GCNA: variants seen among roughly 807,000 people sequenced by gnomAD.
The protein encoded by GCNA is germ cell nuclear acidic peptidase.
GCNA carries 3 observed loss-of-function variants against 38.8 expected under a neutral mutation model. That is an observed-to-expected ratio of 0.08 (90% CI 0.04 to 0.20). The LOEUF is 0.20. Ranked by LOEUF, GCNA falls within the 10% of genes least tolerant of loss-of-function variation. GCNA has a pLI of 1.00. For synonymous variants in GCNA, 195 were observed against 240.2 expected (o/e 0.81, Z 1.74); for missense variants, 446 against 578.6 (o/e 0.77, Z 2.35).
chrX:71,582,707 A>C lies in GCNA; in HGVS notation c.59+1827A>C, dbSNP rs370190426. Among the ~76,000 whole-genome samples, 5 of 112,173 alleles carry C rather than the reference A, an allele frequency of 4.5e-5. No individual in the cohort carries two copies. The East Asian group carries it at 1.4e-3, about 31-fold the overall frequency. On this transcript the variant is annotated intron_variant, in intron 2 of 12. Transcript: ENST00000373696. ...TGTGATTATATCATACATGTAATTC[A>C]GTAATTGTAATTCAGTCTTATTTTT...
chrX:71,586,798 C>A lies in GCNA; in HGVS notation c.60-5324C>A, dbSNP rs189088275. On this transcript the variant is annotated intron_variant, in intron 2 of 12. Transcript: ENST00000373696. ...CTAATTTTTGTATTTTTAGTAGAGACGGGGTTTCACCATGTTGGCCAGGCT... is the reference window on the plus strand; with the variant it reads ...CTAATTTTTGTATTTTTAGTAGAGAAGGGGTTTCACCATGTTGGCCAGGCT... Among the ~76,000 whole-genome samples the A allele has an allele frequency of 2.7e-3, 297 of 111,017 alleles. 3 individuals are homozygous for A. The highest frequency in any genetic ancestry group is 0.014 in the Middle Eastern group (3 of 219).
intron 2 of GCNA, among the ~76,000 whole-genome samples, chrX:71,588,686 G>C (rs1202807066): frequency 1.8e-5 from 2 of 110,542 alleles, no homozygotes; most frequent in African/African-American, 6.6e-5. Context: ...AATGAGCTGG[G>C]CGTGGTGACA....
chrX:71,592,060 T>C (rs1009482667), intron 2 of GCNA, 62 bp from the exon 3 acceptor site: 17 of 739,291 alleles, frequency 2.3e-5, no homozygotes, highest in Non-Finnish European at 3.3e-5. Context: ...GGATTTTTGA[T>C]AATTGGTTGC....
chrX:71,613,054 TG>T lies in GCNA; in HGVS notation c.*73del. On this transcript the variant is annotated 3_prime_UTR_variant, in exon 13 of 13. Coordinates refer to ENST00000373696, the MANE Select transcript of GCNA (RefSeq NM_052957.5). Reference sequence around the variant, plus strand: ...AGATGGCTAGGATTAGCCTTGGGGATGTGATGAAAACACTTGGCAGGAATTA... The same window carrying T: ...AGATGGCTAGGATTAGCCTTGGGGATTGATGAAAACACTTGGCAGGAATTA... 1 of 1,164,358 alleles carries T rather than the reference TG, an allele frequency of 8.6e-7. No individual in the cohort carries two copies.
chrX:71,598,078 CA>C, intron 7 of GCNA, 40 bp downstream of exon 7: 1 of 1,031,856 alleles, frequency 9.7e-7, no homozygotes, highest in South Asian at 2.0e-5. Context: ...AGCTGAGCTC[CA>C]AAGCCTCATC....
chrX:71,609,097 A>G lies in GCNA; in HGVS notation c.1591A>G (p.Arg531Gly), dbSNP rs759962972. The G allele has an allele frequency of 8.3e-7, 1 of 1,210,899 alleles. No individual in the cohort carries two copies. Among genetic ancestry groups the G allele is most frequent in the East Asian group, 3.0e-5 (1 of 33,859 alleles). The change falls in exon 10 of 13, where the codon AGA becomes GGA. Residue 531 changes from arginine (R) to glycine (G), a missense_variant. By Grantham distance (125) the Arg-to-Gly change is moderately radical. Around this residue, in one of 7 missense-constraint regions of GCNA, gnomAD observed 60 missense variants for 111.0 expected, o/e 0.54. Transcript: ENST00000373696. ...LVQRIYDLFN[R>G]SVCDKKLPEK... Reference sequence around the variant, plus strand: ...TCAGAGAATCTACGACCTGTTTAACAGATCCGTCTGTGATAAAAAGGTAGG... The same window carrying G: ...TCAGAGAATCTACGACCTGTTTAACGGATCCGTCTGTGATAAAAAGGTAGG...
chrX:71,596,227 A>T (rs2040670516), intron 6 of GCNA, among the ~76,000 whole-genome samples: 1 of 112,007 alleles, frequency 8.9e-6, no homozygotes, highest in Non-Finnish European at 1.9e-5. Context: ...ATAAATAAAT[A>T]AATAAAGTCA....
intron 2 of GCNA, among the ~76,000 whole-genome samples, chrX:71,584,593 G>A (rs918324722): frequency 8.9e-6 from 1 of 111,844 alleles, no homozygotes; most frequent in South Asian, 3.7e-4. Context: ...AGTCAGGAGC[G>A]GTGGCTCACG....
At chrX:71,581,955 T>G (rs190268888) in intron 2 of GCNA, among the ~76,000 whole-genome samples, 1 of 108,414 alleles carries the variant, frequency 9.2e-6, no homozygotes, top group African/African-American at 3.4e-5. Context: ...TGACAAAGAA[T>G]ATTAGAAGGT....
intron 7 of GCNA, among the ~76,000 whole-genome samples, chrX:71,602,147 A>G (rs1473673736): frequency 8.9e-6 from 1 of 111,767 alleles, no homozygotes; most frequent in Non-Finnish European, 1.9e-5. Flanking sequence ...GCTAAAAGCC[A>G]TTTTAACTGG....
At chrX:71,588,316 TTGTAA>T (rs2040598191) in intron 2 of GCNA, among the ~76,000 whole-genome samples, 1 of 111,482 alleles carries the variant, frequency 9.0e-6, no homozygotes, top group Admixed American at 9.6e-5. Context: ...ATTTATTGAG[TTGTAA>T]AAATTACTAA....
chrX:71,606,276 GT>G (rs1407190102), intron 9 of GCNA, among the ~76,000 whole-genome samples: 1 of 112,123 alleles, frequency 8.9e-6, no homozygotes, highest in Non-Finnish European at 1.9e-5. Context: ...ATGTATATCT[GT>G]ATGAATTTTT....
chrX:71,606,857 G>A (rs1314889674), intron 9 of GCNA, among the ~76,000 whole-genome samples: 3 of 112,213 alleles, frequency 2.7e-5, no homozygotes, highest in African/African-American at 6.5e-5. Flanking sequence ...TTGCTAGAGC[G>A]TGACAAAAGA....
chrX:71,600,505 A>T (rs2040704635), intron 7 of GCNA, among the ~76,000 whole-genome samples: 1 of 111,446 alleles, frequency 9.0e-6, no homozygotes, highest in Admixed American at 9.6e-5. Flanking sequence ...ACCAGTGAAA[A>T]TATACAAGTC....
intron 2 of GCNA, among the ~76,000 whole-genome samples, chrX:71,583,692 CTTTTTTT>C (rs753557808): frequency 3.2e-4 from 23 of 72,659 alleles, no homozygotes; most frequent in Non-Finnish European, 5.1e-4. Flanking sequence ...CTATTATATT[CTTTTTTT>C]TTTTTTTTTT....
rs1163258941 is a variant in GCNA, at chrX:71,610,825, G to A, written c.1750+6G>A. 8.3e-7 allele frequency: 1 copy of A among 1,211,111 alleles called. No individual in the cohort carries two copies. The stretch of plus-strand genomic sequence containing the variant: ...GAAAGTCTGCGACTCTGCAGGTGAT[G>A]GCAGGAGTGTGGTAGCTTCACCACT... On this transcript the variant is annotated splice_donor_region_variant and intron_variant, in intron 11 of 12. Transcript: ENST00000373696.
intron 2 of GCNA, among the ~76,000 whole-genome samples, chrX:71,583,821 C>T (rs1007049125): frequency 9.4e-6 from 1 of 106,235 alleles, no homozygotes; most frequent in East Asian, 2.9e-4. Flanking sequence ...CCTGAGCCTC[C>T]TGAGTAGCTG....
At chrX:71,578,908 G>T in intron 1 of GCNA, among the ~76,000 whole-genome samples, 1 of 107,589 alleles carries the variant, frequency 9.3e-6, no homozygotes, top group East Asian at 3.0e-4. Context: ...TGCCAGTGGC[G>T]GGTGGAGAGA....
intron 12 of GCNA, 134 bp from the exon 13 acceptor site, chrX:71,612,728 T>A: frequency 9.8e-7 from 1 of 1,017,317 alleles, no homozygotes; most frequent in Non-Finnish European, 1.3e-6. Context: ...GCCTGACCAC[T>A]GCTGCCGCTT....
Sources: gnomAD v4.1 joint callset for allele counts (sites outside exome capture counted in the v4.1 genomes callset) on GRCh38, gnomAD v4.1.1 for gene constraint, gnomAD v4.1.1 regional missense constraint, MANE v1.5 for transcripts, NCBI Gene and HGNC (gene_info 2026-07-23, HGNC 2026-07-21) for gene names.